The following FLI1 variants were observed in gnomAD, a reference collection of about 807,000 sequenced individuals.
The protein encoded by FLI1 is Friend leukemia integration 1 transcription factor.
A neutral mutation model predicts 53.1 loss-of-function variants in FLI1; 13 were observed. That is an observed-to-expected ratio of 0.24 (90% CI 0.16 to 0.39). The LOEUF is 0.39. FLI1 is among the 10% of genes least tolerant of loss of function. The pLI is 1.00. For synonymous variants in FLI1, 244 were observed against 236.7 expected, an observed-to-expected ratio of 1.03 and a Z score of -0.28; for missense variants, 424 against 600.5, an observed-to-expected ratio of 0.71 and a Z score of 3.07.
intron 1 of FLI1, among the ~76,000 whole-genome samples, chr11:128,717,793 G>A (rs80053427): frequency 1.3e-5 from 2 of 152,216 alleles, no homozygotes; most frequent in African/African-American, 4.8e-5. Flanking sequence ...TTGAAAAGGG[G>A]TGGCTCTAAG....
Position 128,715,754 on chromosome 11 carries a change from A to G in FLI1, c.18+21478A>G, listed in dbSNP as rs181439876. Among the ~76,000 whole-genome samples, 69 of 152,240 alleles carry G rather than the reference A, an allele frequency of 4.5e-4. 1 individual carries two copies. In the East Asian group the frequency reaches 0.012, roughly 27 times the overall value. On this transcript the variant is annotated intron_variant, in intron 1 of 8. Coordinates refer to ENST00000527786, the MANE Select transcript of FLI1 (RefSeq NM_002017.5). ...TCATGCTTTGAATTCAAGGCAGAGG[A>G]AAAAAAATGAAGAAAACATTTTGCA...
intron 5 of FLI1, among the ~76,000 whole-genome samples, chr11:128,794,099 T>C (rs1942358356): frequency 6.6e-6 from 1 of 152,056 alleles, no homozygotes; most frequent in African/African-American, 2.4e-5. Context: ...CTACCAAGTT[T>C]CCCCTTGACA....
intron 1 of FLI1, among the ~76,000 whole-genome samples, chr11:128,751,589 T>C (rs1484264872): frequency 1.3e-5 from 2 of 151,786 alleles, no homozygotes; most frequent in East Asian, 3.9e-4. Context: ...TGCAGTGGTG[T>C]GATCTCGGCT....
chr11:128,768,447 C>A (rs1941431289), intron 3 of FLI1, 175 bp downstream of exon 3: 2 of 686,710 alleles, frequency 2.9e-6, no homozygotes, highest in Non-Finnish European at 5.0e-6. Flanking sequence ...TTTGAGAGGC[C>A]AAGACGGGTG....
intron 1 of FLI1, among the ~76,000 whole-genome samples, chr11:128,733,487 C>T (rs1939783172): frequency 6.6e-6 from 1 of 152,224 alleles, no homozygotes. Flanking sequence ...TCTTTAGAAC[C>T]TGGCTGATGC....
chr11:128,720,751 G>A (rs984953823), intron 1 of FLI1, among the ~76,000 whole-genome samples: 2 of 152,162 alleles, frequency 1.3e-5, no homozygotes, highest in African/African-American at 4.8e-5. Flanking sequence ...CAGACTCCGC[G>A]GGCCCTGCTC....
rs142780887 is a variant in FLI1, at chr11:128,783,621, C to T, written c.655+1598C>T. On this transcript the variant is annotated intron_variant, in intron 5 of 8. Transcript: ENST00000527786. ...GCAAATGTCTGTAAGAGAGAAAATA[C>T]ATTTTAGTGGCAAACGCATTAGATT... Among the ~76,000 whole-genome samples the T allele has an allele frequency of 2.4e-4, 37 of 152,282 alleles. 1 individual carries two copies. In the East Asian group the frequency reaches 6.0e-3, roughly 25 times the overall value.
chr11:128,733,064 G>C (rs1172577397), intron 1 of FLI1, among the ~76,000 whole-genome samples: 1 of 152,192 alleles, frequency 6.6e-6, no homozygotes, highest in Non-Finnish European at 1.5e-5. Context: ...AAGTCTCTTT[G>C]CATCAGGACT....
chr11:128,688,491 C>G (rs1295374036), intron 1 of FLI1, among the ~76,000 whole-genome samples: 1 of 152,194 alleles, frequency 6.6e-6, no homozygotes, highest in African/African-American at 2.4e-5. Flanking sequence ...GGGGCACAAA[C>G]AGTTGCAGGC....
intron 1 of FLI1, among the ~76,000 whole-genome samples, chr11:128,747,060 T>C (rs1365416014): frequency 6.6e-6 from 1 of 152,060 alleles, no homozygotes; most frequent in African/African-American, 2.4e-5. Context: ...TCTTCACCCA[T>C]CCTCAGGCGG....
chr11:128,714,846 C>CCGTG (rs201253241), intron 1 of FLI1, among the ~76,000 whole-genome samples: 1,870 of 151,596 alleles, frequency 0.012, 40 homozygotes, highest in African/African-American at 0.042. Context: ...GTAGCTTGGA[C>CCGTG]TACAGGCACG....
At chr11:128,745,277 C>G (rs1430337163) in intron 1 of FLI1, among the ~76,000 whole-genome samples, 1 of 152,074 alleles carries the variant, frequency 6.6e-6, no homozygotes, top group East Asian at 1.9e-4. Flanking sequence ...ACAGAGAACA[C>G]AAAAGGAAAG....
At chr11:128,698,711 CGTGT>C (rs10557859) in intron 1 of FLI1, among the ~76,000 whole-genome samples, 8 of 144,430 alleles carry the variant, frequency 5.5e-5, no homozygotes, top group Non-Finnish European at 7.6e-5. Flanking sequence ...TATGTGTTTG[CGTGT>C]GTGTGTGTGT....
Position 128,739,765 on chromosome 11 carries a change from T to C in FLI1, c.19-18350T>C, listed in dbSNP as rs1031405913. On this transcript the variant is annotated intron_variant, in intron 1 of 8. Coordinates refer to ENST00000527786, the MANE Select transcript of FLI1 (RefSeq NM_002017.5). ...TGGTGAAAGTGCCTACAGTTATGAA[T>C]GGAGCTCTTTGTTACCTTCCAGATC... Among the ~76,000 whole-genome samples, 3 of 152,226 alleles carry C rather than the reference T, an allele frequency of 2.0e-5. No homozygotes were observed. The East Asian group carries it at 5.8e-4, about 29-fold the overall frequency.
rs1030956591 is a variant in FLI1, at chr11:128,812,413, C to G, written c.*1425C>G. The stretch of plus-strand genomic sequence containing the variant: ...TTTGACTAAATAAATGGTTCCTTCT[C>G]TCAGTGCTGAGGACAGTTTTCTTAT... On this transcript the variant is annotated 3_prime_UTR_variant, in exon 9 of 9. Transcript: ENST00000527786. 2 of 225,586 alleles carry G rather than the reference C, an allele frequency of 8.9e-6. No homozygotes were observed. The highest frequency in any genetic ancestry group is 2.2e-5 in the African/African-American group (1 of 44,966). 14.0% of individuals were successfully genotyped at this position (225,586 alleles called of 1,614,324 possible). A position where few individuals can be genotyped will look rare whatever the true frequency, so the allele number is the denominator to read the frequency against.
chr11:128,702,097 T>A (rs529817707), intron 1 of FLI1, among the ~76,000 whole-genome samples: 3 of 152,350 alleles, frequency 2.0e-5, no homozygotes, highest in East Asian at 1.9e-4. Context: ...ATGTTTCAAT[T>A]GAAATTCTCA....
At chr11:128,708,271 C>T (rs1938638428) in intron 1 of FLI1, among the ~76,000 whole-genome samples, 1 of 152,180 alleles carries the variant, frequency 6.6e-6, no homozygotes, top group Admixed American at 6.5e-5. Flanking sequence ...GTTGAGTGGT[C>T]AGTCTCATCC....
At position 128,812,443 on chromosome 11, in the gene FLI1, C is replaced by T. The variant is rs986388215; in HGVS notation, c.*1455C>T. On this transcript the variant is annotated 3_prime_UTR_variant, in exon 9 of 9. Transcript: ENST00000527786. ...TGCTGAGGACAGTTTTCTTATTTAC[C>T]GCCCCCGTTAGGTCAAAGGGTTTTC... 40 of 225,348 alleles carry T rather than the reference C, an allele frequency of 1.8e-4. No homozygotes were observed. The highest frequency in any genetic ancestry group is 5.5e-4 in the South Asian group (3 of 5,440). The allele number at this position is 225,348 out of a possible 1,614,324, so 14.0% of individuals were successfully genotyped here.
intron 1 of FLI1, among the ~76,000 whole-genome samples, chr11:128,733,067 T>G (rs953713860): frequency 2.0e-5 from 3 of 152,206 alleles, no homozygotes; most frequent in Non-Finnish European, 2.9e-5. Flanking sequence ...TCTCTTTGCA[T>G]CAGGACTTAT....
Sources: gnomAD v4.1 joint callset for allele counts (sites outside exome capture counted in the v4.1 genomes callset) on GRCh38, gnomAD v4.1.1 for gene constraint, MANE v1.5 for transcripts, NCBI Gene and HGNC (gene_info 2026-07-23, HGNC 2026-07-21) for gene names.